The following PON3 variants were observed in gnomAD, a reference collection of about 807,000 sequenced individuals.
PON3 encodes the protein serum paraoxonase/lactonase 3.
A neutral mutation model predicts 36.3 loss-of-function variants in PON3; 37 were observed. The ratio of observed to expected loss-of-function variants is 1.02; its 90% CI spans 0.78 to 1.34. The LOEUF (loss-of-function observed/expected upper bound fraction) is 1.34. Ranked by LOEUF, PON3 falls within the 40% of genes most tolerant of loss-of-function variation. PON3 has a pLI of 0.00. For missense variants in PON3, 415 were observed against 426.5 expected, an observed-to-expected ratio of 0.97 and a Z score of 0.24; for synonymous variants, 155 against 154.8, an observed-to-expected ratio of 1.00 and a Z score of -0.01.
At chr7:95,366,411 C>T (rs949109557) in intron 5 of PON3, among the ~76,000 whole-genome samples, 1 of 152,212 alleles carries the variant, frequency 6.6e-6, no homozygotes, top group Non-Finnish European at 1.5e-5. Flanking sequence ...ACTTCTCTTA[C>T]TTCTATGCTC....
chr7:95,362,982 A>G (rs1259456335), intron 6 of PON3, 141 bp from the exon 7 acceptor site: 2 of 682,062 alleles, frequency 2.9e-6, no homozygotes, highest in African/African-American at 1.8e-5. Context: ...AAAAGAAGAT[A>G]ATGGGGTAGT....
At chr7:95,370,141 G>C (rs1488674070) in intron 4 of PON3, among the ~76,000 whole-genome samples, 1 of 152,148 alleles carries the variant, frequency 6.6e-6, no homozygotes, top group Non-Finnish European at 1.5e-5. Context: ...GGAGATTTGG[G>C]GTTTATCCTC....
In PON3 at chr7:95,372,425, A is replaced by G; in HGVS notation, c.202-87T>C. On this transcript the variant is annotated intron_variant, in intron 3 of 8. Coordinates refer to ENST00000265627, the MANE Select transcript of PON3 (RefSeq NM_000940.3). ...AATTTAAAATCTCAAAGCCAAATAA[A>G]AATGTTCAAAGTTCTAAATTTCATT... The G allele has an allele frequency of 8.3e-6, 12 of 1,443,484 alleles. No homozygotes were observed. The South Asian group carries it at 9.7e-5, about 12-fold the overall frequency. 89.4% of individuals were successfully genotyped at this position (1,443,484 alleles called of 1,614,324 possible).
chr7:95,372,096 A>G, intron 4 of PON3, 77 bp downstream of exon 4: 1 of 1,489,850 alleles, frequency 6.7e-7, no homozygotes, highest in Admixed American at 1.7e-5. Flanking sequence ...TTCCTGTTAC[A>G]TAAATATTGA....
intron 3 of PON3, among the ~76,000 whole-genome samples, chr7:95,388,794 A>G (rs922622306): frequency 2.0e-5 from 3 of 152,232 alleles, no homozygotes; most frequent in African/African-American, 7.2e-5. Flanking sequence ...TTGCAGGGAC[A>G]TGGATGAAAC....
In PON3 at chr7:95,362,497, A is replaced by G. The variant is rs763129919; in HGVS notation, c.778-7T>C. The G allele has an allele frequency of 8.7e-6, 14 of 1,613,444 alleles. No homozygotes were observed. The South Asian group carries it at 1.2e-4, about 14-fold the overall frequency. On this transcript the variant is annotated splice_region_variant and splice_polypyrimidine_tract_variant and intron_variant, in intron 7 of 8. Transcript: ENST00000265627. The stretch of plus-strand genomic sequence containing the variant: ...AGGTGCCCAACTGTATCACCTTACA[A>G]CAAAGAGGGAGTAGTGAAGACATTG...
At chr7:95,390,084 G>C (rs1209408126) in intron 3 of PON3, 70 bp downstream of exon 3, 2 of 1,456,960 alleles carry the variant, frequency 1.4e-6, no homozygotes, top group African/African-American at 1.4e-5. Context: ...GGCAGCTCCA[G>C]AGGACAACAT....
chr7:95,372,126 T>C, intron 4 of PON3, 47 bp downstream of exon 4: 1 of 1,572,696 alleles, frequency 6.4e-7, no homozygotes, highest in African/African-American at 1.4e-5. Context: ...GATAAATGGT[T>C]TCTATTTCCC....
chr7:95,361,448 C>T (rs965101687), intron 8 of PON3, among the ~76,000 whole-genome samples: 1 of 152,142 alleles, frequency 6.6e-6, no homozygotes, highest in Non-Finnish European at 1.5e-5. Context: ...ATGAGGCCTA[C>T]TCTGATCTCT....
Position 95,392,148 on chromosome 7 carries a change from A to G in PON3, c.146-1939T>C, listed in dbSNP as rs541651422. On this transcript the variant is annotated intron_variant, in intron 2 of 8. Coordinates refer to ENST00000265627, the MANE Select transcript of PON3 (RefSeq NM_000940.3). ...TGCTCATAGTCACCAGGCCTTTGATAAAGCAGCTTTTTCAAAACATATATA... is the reference window on the plus strand; with the variant it reads ...TGCTCATAGTCACCAGGCCTTTGATGAAGCAGCTTTTTCAAAACATATATA... 5.9e-5 allele frequency among the ~76,000 whole-genome samples: 9 copies of G among 152,366 alleles called. No homozygotes were observed. The South Asian group carries it at 1.9e-3, about 32-fold the overall frequency.
At chr7:95,367,186 T>C (rs1808716265) in intron 5 of PON3, among the ~76,000 whole-genome samples, 176 bp downstream of exon 5, 1 of 152,236 alleles carries the variant, frequency 6.6e-6, no homozygotes, top group Non-Finnish European at 1.5e-5. Flanking sequence ...ATACCTAACA[T>C]GGCAATTTCT....
chr7:95,381,969 A>C (rs1163778281), intron 3 of PON3, among the ~76,000 whole-genome samples: 2 of 152,234 alleles, frequency 1.3e-5, no homozygotes, highest in Non-Finnish European at 2.9e-5. Flanking sequence ...ACTACTCAGC[A>C]AATGTAAAAG....
intron 4 of PON3, among the ~76,000 whole-genome samples, chr7:95,369,598 A>C (rs1437122302): frequency 2.0e-5 from 3 of 152,158 alleles, no homozygotes; most frequent in Admixed American, 1.3e-4. Flanking sequence ...AACATGGTGA[A>C]ACCCTGTCTC....
At chr7:95,384,769 C>A (rs1288780034) in intron 3 of PON3, among the ~76,000 whole-genome samples, 1 of 152,170 alleles carries the variant, frequency 6.6e-6, no homozygotes, top group African/African-American at 2.4e-5. Flanking sequence ...ACTAGTTCAA[C>A]CTTGTGGAAG....
intron 1 of PON3, among the ~76,000 whole-genome samples, chr7:95,395,160 T>A (rs1809402000): frequency 6.6e-6 from 1 of 152,214 alleles, no homozygotes; most frequent in Non-Finnish European, 1.5e-5. Context: ...CTCCTAATAG[T>A]CAAACTCTAT....
chr7:95,391,345 C>T (rs1157200724), intron 2 of PON3, among the ~76,000 whole-genome samples: 1 of 152,154 alleles, frequency 6.6e-6, no homozygotes, highest in Non-Finnish European at 1.5e-5. Context: ...CTCGATAATC[C>T]TGCCTAGTGA....
At chr7:95,380,200 G>A (rs190093669) in intron 3 of PON3, among the ~76,000 whole-genome samples, 22 of 152,302 alleles carry the variant, frequency 1.4e-4, no homozygotes, top group Admixed American at 1.2e-3. Flanking sequence ...AACCCCATCT[G>A]TACGTCAGCA....
chr7:95,394,338 G>A (rs1030223800), intron 2 of PON3, among the ~76,000 whole-genome samples: 2 of 152,216 alleles, frequency 1.3e-5, no homozygotes, highest in African/African-American at 4.8e-5. Context: ...AGAGGACAAG[G>A]AGGAGAGTGA....
intron 1 of PON3, chr7:95,395,880 GC>G: frequency 3.2e-6 from 1 of 314,238 alleles, no homozygotes; most frequent in South Asian, 3.0e-5. Flanking sequence ...GTCTCAGTCA[GC>G]CGTAAACATC....
Sources: allele counts gnomAD v4.1 joint callset (sites outside exome capture counted in the v4.1 genomes callset), GRCh38; gene constraint gnomAD v4.1.1; transcripts MANE v1.5; gene names NCBI Gene and HGNC (gene_info 2026-07-23, HGNC 2026-07-21).